RNLS: variants seen among roughly 807,000 people sequenced by gnomAD.
RNLS encodes the protein renalase.
RNLS carries 39 observed loss-of-function variants against 39.8 expected under a neutral mutation model. That is an observed-to-expected ratio of 0.98 (90% CI 0.76 to 1.28). The LOEUF is 1.28. Ranked by LOEUF, RNLS falls within the 50% of genes most tolerant of loss-of-function variation. The pLI is 0.00. For synonymous variants in RNLS, 147 were observed against 150.7 expected (o/e 0.98, Z 0.18); for missense variants, 410 against 413.3 (o/e 0.99, Z 0.07).
At chr10:88,522,053 T>C (rs1846778613) in intron 4 of RNLS, among the ~76,000 whole-genome samples, 1 of 152,058 alleles carries the variant, frequency 6.6e-6, no homozygotes. Context: ...TCCACTCTAA[T>C]ACTATTTTTG....
chr10:88,427,331 A>T (rs1438413496), intron 4 of RNLS, among the ~76,000 whole-genome samples: 1 of 152,006 alleles, frequency 6.6e-6, no homozygotes, highest in African/African-American at 2.4e-5. Flanking sequence ...TATTTCTTTG[A>T]CAGGGTGGCT....
chr10:88,497,141 A>C (rs893735774), intron 4 of RNLS, among the ~76,000 whole-genome samples: 2 of 152,108 alleles, frequency 1.3e-5, no homozygotes, highest in Admixed American at 1.3e-4. Context: ...AATTTTTAAA[A>C]ATGAGTTCAA....
chr10:88,541,915 G>A (rs1411583132), intron 4 of RNLS, among the ~76,000 whole-genome samples: 1 of 152,060 alleles, frequency 6.6e-6, no homozygotes, highest in Non-Finnish European at 1.5e-5. Flanking sequence ...GAGGAACTAG[G>A]GAGCTGGGAA....
intron 4 of RNLS, among the ~76,000 whole-genome samples, chr10:88,418,405 T>C (rs891185305): frequency 1.3e-5 from 2 of 152,164 alleles, no homozygotes; most frequent in African/African-American, 4.8e-5. Context: ...TAATACAACA[T>C]AAAACTTGAA....
the RNLS span, among the ~76,000 whole-genome samples, chr10:88,260,747 T>C: frequency 6.6e-6 from 1 of 152,170 alleles, no homozygotes; most frequent in Non-Finnish European, 1.5e-5. Context: ...GCAAAGAGAG[T>C]TGACTTTTTT....
chr10:88,582,952 C>A, intron 1 of RNLS, 121 bp downstream of exon 1: 1 of 1,183,934 alleles, frequency 8.4e-7, no homozygotes, highest in South Asian at 1.7e-5. Flanking sequence ...GCTACACGGC[C>A]GCTCAGGGAG....
At chr10:88,194,813 T>C in the RNLS span, among the ~76,000 whole-genome samples, 1 of 152,356 alleles carries the variant, frequency 6.6e-6, no homozygotes, top group Admixed American at 6.5e-5. Context: ...TATTTACTTA[T>C]CTTCAAAAAT....
chr10:88,350,993 C>G (rs142318877), intron 5 of RNLS, among the ~76,000 whole-genome samples: 2 of 152,302 alleles, frequency 1.3e-5, no homozygotes, highest in Non-Finnish European at 2.9e-5. Context: ...TGATAAGGAG[C>G]ATTTTTTCAT....
chr10:88,536,710 A>T (rs2576159), intron 4 of RNLS, among the ~76,000 whole-genome samples: 36,542 of 151,876 alleles, frequency 0.24, 5,324 homozygotes, highest in East Asian at 0.46. Flanking sequence ...TCTTCCCCCC[A>T]TGCAACATGG....
At chr10:88,491,610 A>G (rs1844883337) in intron 4 of RNLS, among the ~76,000 whole-genome samples, 1 of 152,198 alleles carries the variant, frequency 6.6e-6, no homozygotes. Context: ...AACTATTCCC[A>G]GAGAAAACCT....
chr10:88,480,314 C>A (rs1193910746), intron 4 of RNLS, among the ~76,000 whole-genome samples: 1 of 152,224 alleles, frequency 6.6e-6, no homozygotes, highest in South Asian at 2.1e-4. Context: ...CTGATAATTA[C>A]CCCTTAGGGG....
chr10:88,383,920 A>AACTT (rs1167150017), intron 4 of RNLS, among the ~76,000 whole-genome samples: 1 of 152,148 alleles, frequency 6.6e-6, no homozygotes, highest in Non-Finnish European at 1.5e-5. Flanking sequence ...AGGAAGCACT[A>AACTT]ACTTTGAACC....
intron 4 of RNLS, among the ~76,000 whole-genome samples, chr10:88,540,802 A>G (rs1399360614): frequency 6.6e-6 from 1 of 152,134 alleles, no homozygotes. Context: ...CAGGCATGCC[A>G]CATATAGTAG....
the RNLS span, among the ~76,000 whole-genome samples, chr10:88,195,369 C>T: frequency 1.7e-3 from 254 of 152,264 alleles, no homozygotes; most frequent in Non-Finnish European, 3.0e-3. Context: ...AAGCTCTGAA[C>T]CTAGTGAGTG....
chr10:88,319,126 C>A (rs1174296251), intron 5 of RNLS, among the ~76,000 whole-genome samples: 1 of 152,108 alleles, frequency 6.6e-6, no homozygotes, highest in Non-Finnish European at 1.5e-5. Flanking sequence ...CTACAACAAG[C>A]AGCATCCGAG....
chr10:88,302,324 G>A (rs1456556832), intron 6 of RNLS, among the ~76,000 whole-genome samples: 1 of 152,132 alleles, frequency 6.6e-6, no homozygotes, highest in Non-Finnish European at 1.5e-5. Context: ...AAAGAACTAC[G>A]AAACAAAACA....
At chr10:88,368,225 A>G (rs58802381) in intron 4 of RNLS, among the ~76,000 whole-genome samples, 75 of 152,028 alleles carry the variant, frequency 4.9e-4, no homozygotes, top group African/African-American at 1.7e-3. Context: ...GAGACCAAAT[A>G]TATCGAATAC....
At chr10:88,268,827 AGAAT>A in the RNLS span, among the ~76,000 whole-genome samples, 1 of 152,248 alleles carries the variant, frequency 6.6e-6, no homozygotes, top group Admixed American at 6.5e-5. Context: ...CCAGTCTGAC[AGAAT>A]GAATTTATTT....
intron 4 of RNLS, among the ~76,000 whole-genome samples, chr10:88,488,970 C>T (rs938352535): frequency 2.0e-5 from 3 of 152,146 alleles, no homozygotes; most frequent in Non-Finnish European, 4.4e-5. Flanking sequence ...CTTTTCAGGA[C>T]AGACAAGTGA....
Sources: gnomAD v4.1 joint callset for allele counts (sites outside exome capture counted in the v4.1 genomes callset) on GRCh38, gnomAD v4.1.1 for gene constraint, MANE v1.5 for transcripts, NCBI Gene and HGNC (gene_info 2026-07-23, HGNC 2026-07-21) for gene names.